The following MLLT3 variants were observed in gnomAD, a reference collection of about 807,000 sequenced individuals.
MLLT3 encodes the protein protein AF-9.
MLLT3 carries 4 observed loss-of-function variants against 53.2 expected under a neutral mutation model. The ratio of observed to expected loss-of-function variants is 0.08; its 90% CI spans 0.04 to 0.17. The LOEUF (loss-of-function observed/expected upper bound fraction) is 0.17. MLLT3 is among the 10% of genes least tolerant of loss of function. MLLT3 has a pLI of 1.00. For missense variants in MLLT3, 569 were observed against 684.0 expected (o/e 0.83, Z 1.87); for synonymous variants, 283 against 230.6 (o/e 1.23, Z -2.06).
At position 20,620,252 on chromosome 9, in the gene MLLT3, A is replaced by AACACACAC. The variant is rs60526002; in HGVS notation, c.193+394_193+401dup. Among the ~76,000 whole-genome samples, 30 of 142,500 alleles carry AACACACAC rather than the reference A, an allele frequency of 2.1e-4. No individual in the cohort carries two copies. The highest frequency in any genetic ancestry group is 6.3e-4 in the African/African-American group (24 of 38,276). 93.5% of individuals were successfully genotyped at this position (142,500 alleles called of 152,430 possible). A position where few individuals can be genotyped will look rare whatever the true frequency, so the allele number is the denominator to read the frequency against. On this transcript the variant is annotated intron_variant, in intron 2 of 10. Coordinates refer to ENST00000380338, the MANE Select transcript of MLLT3 (RefSeq NM_004529.4). The surrounding 1 kb of genome is among the most constrained non-coding windows in gnomAD (Gnocchi z 6.1). ...AGGTAAATCTTAATTTCTCTAGGAA[A>AACACACAC]ACACACACACACACACACACACACA...
intron 2 of MLLT3, among the ~76,000 whole-genome samples, chr9:20,469,789 A>G (rs1366782675): frequency 1.9e-4 from 29 of 152,010 alleles, no homozygotes; most frequent in Non-Finnish European, 1.5e-5. Context: ...AGTCTGTTTT[A>G]AAAGATAAAT....
At chr9:20,356,635 G>A (rs528063520) in intron 8 of MLLT3, among the ~76,000 whole-genome samples, 3 of 152,146 alleles carry the variant, frequency 2.0e-5, no homozygotes, top group Non-Finnish European at 4.4e-5. Context: ...ATCATATCCC[G>A]CTGCCTCCCA....
intron 2 of MLLT3, among the ~76,000 whole-genome samples, chr9:20,468,246 G>C (rs1174041338): frequency 1.3e-5 from 2 of 152,024 alleles, no homozygotes; most frequent in Admixed American, 1.3e-4. Flanking sequence ...AGAATTTTTT[G>C]GACTTCTTCC....
intron 2 of MLLT3, among the ~76,000 whole-genome samples, chr9:20,489,984 C>A (rs939308447): frequency 6.6e-6 from 1 of 152,118 alleles, no homozygotes; most frequent in South Asian, 2.1e-4. Flanking sequence ...CAAATAAATA[C>A]ATGGCAAACT....
At chr9:20,533,694 T>G (rs541152316) in intron 2 of MLLT3, among the ~76,000 whole-genome samples, 1 of 152,304 alleles carries the variant, frequency 6.6e-6, no homozygotes, top group Admixed American at 6.5e-5. Flanking sequence ...GTGATACATA[T>G]AAGCAACAGA....
intron 2 of MLLT3, among the ~76,000 whole-genome samples, chr9:20,581,873 A>C (rs1025894406): frequency 2.0e-5 from 3 of 152,198 alleles, no homozygotes; most frequent in Non-Finnish European, 4.4e-5. Context: ...ATCACTATTT[A>C]AGGAGAGCAA....
chr9:20,509,810 T>G (rs1403190307), intron 2 of MLLT3, among the ~76,000 whole-genome samples: 1 of 152,120 alleles, frequency 6.6e-6, no homozygotes, highest in Middle Eastern at 3.2e-3. Flanking sequence ...AATGATTAAC[T>G]AAGTTTTATT....
In MLLT3 at chr9:20,577,555, C is replaced by T. The variant is rs117843551; in HGVS notation, c.193+43099G>A. On this transcript the variant is annotated intron_variant, in intron 2 of 10. Transcript: ENST00000380338. ...CAGGTTCAGCAAAGATTCACCTTGA[C>T]CATCTCTCACTTTCATACCAATATA... Among the ~76,000 whole-genome samples, 583 of 152,314 alleles carry T rather than the reference C, an allele frequency of 3.8e-3. 3 individuals carry two copies. Among genetic ancestry groups the T allele is most frequent in the Middle Eastern group, 6.8e-3 (2 of 294 alleles).
intron 2 of MLLT3, among the ~76,000 whole-genome samples, chr9:20,594,283 A>C (rs1219099511): frequency 6.6e-6 from 1 of 152,058 alleles, no homozygotes; most frequent in East Asian, 1.9e-4. Flanking sequence ...TCTAGATATC[A>C]CCTTTCGTTG....
chr9:20,483,143 C>A (rs1419601549), intron 2 of MLLT3, among the ~76,000 whole-genome samples: 1 of 152,082 alleles, frequency 6.6e-6, no homozygotes. Flanking sequence ...AACTAGAAAT[C>A]CCACACCCAG....
At chr9:20,589,874 C>T (rs923474165) in intron 2 of MLLT3, among the ~76,000 whole-genome samples, 2 of 151,910 alleles carry the variant, frequency 1.3e-5, no homozygotes, top group Non-Finnish European at 2.9e-5. Flanking sequence ...CTGTGCCCAG[C>T]TAATTTTTGT....
intron 2 of MLLT3, among the ~76,000 whole-genome samples, chr9:20,614,573 T>C (rs1420964358): frequency 6.6e-6 from 1 of 152,142 alleles, no homozygotes. Flanking sequence ...ACTATAGTTA[T>C]ATATGAAAAT....
intron 2 of MLLT3, among the ~76,000 whole-genome samples, chr9:20,480,428 A>C (rs1824632195): frequency 6.6e-6 from 1 of 152,194 alleles, no homozygotes; most frequent in Non-Finnish European, 1.5e-5. Context: ...ATGCAAACAG[A>C]TCCACTTGAA....
intron 2 of MLLT3, among the ~76,000 whole-genome samples, chr9:20,607,535 G>A (rs959032549): frequency 6.6e-6 from 1 of 152,016 alleles, no homozygotes; most frequent in Non-Finnish European, 1.5e-5. Context: ...AGAATTTGAA[G>A]TTGCAATTTT....
chr9:20,554,296 T>C (rs139954821), intron 2 of MLLT3, among the ~76,000 whole-genome samples: 1 of 152,304 alleles, frequency 6.6e-6, no homozygotes, highest in East Asian at 1.9e-4. Context: ...TAAAGACCTC[T>C]GTTCTCTATT....
intron 2 of MLLT3, among the ~76,000 whole-genome samples, chr9:20,577,106 A>G (rs967661986): frequency 5.3e-5 from 8 of 152,178 alleles, no homozygotes; most frequent in South Asian, 2.1e-4. Context: ...CCCAAAACAT[A>G]TAACTCTTTC....
At chr9:20,509,664 T>C (rs1303682702) in intron 2 of MLLT3, among the ~76,000 whole-genome samples, 2 of 152,204 alleles carry the variant, frequency 1.3e-5, no homozygotes, top group Admixed American at 1.3e-4. Context: ...AATAGCACAG[T>C]TCAAGTCACT....
chr9:20,362,685 C>T (rs1489518961), intron 7 of MLLT3: 1 of 145,296 alleles, frequency 6.9e-6, no homozygotes, highest in Non-Finnish European at 1.5e-5. Context: ...GCATCGGTCT[C>T]TCCAGTTTGG....
At chr9:20,499,905 A>G (rs1404731871) in intron 2 of MLLT3, among the ~76,000 whole-genome samples, 1 of 152,114 alleles carries the variant, frequency 6.6e-6, no homozygotes, top group Non-Finnish European at 1.5e-5. Flanking sequence ...TCTCTTAAAA[A>G]AAAATGTGGG....
Sources: allele counts gnomAD v4.1 joint callset (sites outside exome capture counted in the v4.1 genomes callset), GRCh38; gene constraint gnomAD v4.1.1; non-coding constraint Gnocchi (gnomAD v3.1); transcripts MANE v1.5; gene names NCBI Gene and HGNC (gene_info 2026-07-23, HGNC 2026-07-21).